PPP1R12B: variants seen among roughly 807,000 people sequenced by gnomAD.
PPP1R12B encodes the protein protein phosphatase 1 regulatory subunit 12B.
PPP1R12B carries 76 observed loss-of-function variants against 126.1 expected under a neutral mutation model. That is an observed-to-expected ratio of 0.60 (90% CI 0.50 to 0.73). PPP1R12B has a LOEUF of 0.73. PPP1R12B is among the 30% of genes least tolerant of loss of function. The pLI is 0.00. For missense variants in PPP1R12B, 1,052 were observed against 1,205.1 expected (o/e 0.87, Z 1.88); for synonymous variants, 356 against 434.7 (o/e 0.82, Z 2.25).
At chr1:202,376,187 T>G (rs977866279) in intron 1 of PPP1R12B, among the ~76,000 whole-genome samples, 3 of 152,256 alleles carry the variant, frequency 2.0e-5, no homozygotes, top group African/African-American at 7.2e-5. Flanking sequence ...TAAAAATATT[T>G]GATTTTCTTT....
chr1:202,362,343 G>C (rs1463617308), intron 1 of PPP1R12B, among the ~76,000 whole-genome samples: 1 of 152,090 alleles, frequency 6.6e-6, no homozygotes, highest in East Asian at 1.9e-4. Context: ...AAATCACTAG[G>C]GGTAATGGAA....
At chr1:202,518,112 A>G (rs914190813) in intron 18 of PPP1R12B, among the ~76,000 whole-genome samples, 5 of 152,238 alleles carry the variant, frequency 3.3e-5, no homozygotes, top group African/African-American at 9.6e-5. Flanking sequence ...ATAGCCCCCT[A>G]TGAAAATGTA....
At chr1:202,378,097 C>G (rs1473110821) in intron 1 of PPP1R12B, among the ~76,000 whole-genome samples, 1 of 152,130 alleles carries the variant, frequency 6.6e-6, no homozygotes, top group Admixed American at 6.5e-5. Flanking sequence ...CTCAGCCTCC[C>G]AAAGTACTGG....
intron 18 of PPP1R12B, among the ~76,000 whole-genome samples, chr1:202,504,462 A>G (rs907527261): frequency 2.6e-5 from 4 of 152,200 alleles, no homozygotes; most frequent in South Asian, 2.1e-4. Flanking sequence ...TTGTTACTGT[A>G]TATTAAAATT....
chr1:202,361,115 G>A (rs1466020912), intron 1 of PPP1R12B, among the ~76,000 whole-genome samples: 1 of 151,994 alleles, frequency 6.6e-6, no homozygotes, highest in Non-Finnish European at 1.5e-5. Flanking sequence ...GAATGGTCTC[G>A]ATCTCCTGAC....
chr1:202,352,607 G>A (rs891995260), intron 1 of PPP1R12B, among the ~76,000 whole-genome samples: 2 of 152,126 alleles, frequency 1.3e-5, no homozygotes, highest in African/African-American at 2.4e-5. Flanking sequence ...TCACACTGGC[G>A]GCCGGGGGTG....
chr1:202,424,035 C>T (rs567901626), intron 3 of PPP1R12B, among the ~76,000 whole-genome samples: 8 of 152,274 alleles, frequency 5.3e-5, no homozygotes, highest in African/African-American at 1.9e-4. Context: ...CCTCCAGCCT[C>T]AATCAGTTTT....
intron 3 of PPP1R12B, among the ~76,000 whole-genome samples, chr1:202,424,385 G>A (rs577566170): frequency 4.6e-5 from 7 of 150,694 alleles, no homozygotes; most frequent in South Asian, 2.1e-4. Context: ...GTGCAGTGGC[G>A]CAATCCCAGC....
At chr1:202,481,163 A>G (rs932982352) in intron 13 of PPP1R12B, among the ~76,000 whole-genome samples, 16 of 152,330 alleles carry the variant, frequency 1.1e-4, no homozygotes, top group South Asian at 4.1e-4. Flanking sequence ...TCAGGCATCA[A>G]TGCTCACTTG....
chr1:202,446,362 T>A (rs1672293938), intron 12 of PPP1R12B, among the ~76,000 whole-genome samples: 1 of 147,244 alleles, frequency 6.8e-6, no homozygotes, highest in Non-Finnish European at 1.5e-5. Context: ...CGAGCAATTC[T>A]TCTGCCTCAG....
intron 12 of PPP1R12B, among the ~76,000 whole-genome samples, chr1:202,446,236 C>CTATATATATATATA (rs1290788219): frequency 2.3e-5 from 2 of 88,042 alleles, no homozygotes; most frequent in Non-Finnish European, 4.3e-5. Flanking sequence ...CTCTCTCTCT[C>CTATATATATATATA]TATATATATA....
chr1:202,436,749 AATG>A (rs1286136378), intron 9 of PPP1R12B, among the ~76,000 whole-genome samples: 3 of 152,220 alleles, frequency 2.0e-5, no homozygotes, highest in Non-Finnish European at 4.4e-5. Context: ...AAATTGTGGT[AATG>A]ATGAGTTGTT....
intron 9 of PPP1R12B, among the ~76,000 whole-genome samples, chr1:202,437,416 G>A (rs754261130): frequency 3.3e-5 from 5 of 152,110 alleles, no homozygotes; most frequent in Admixed American, 1.3e-4. Flanking sequence ...GCTCATTACC[G>A]TCATTTTACA....
At position 202,590,695 on chromosome 1, in the gene PPP1R12B, GGA is replaced by G. The variant is rs1173956718; in HGVS notation, c.*10139_*10140del. 6.6e-6 allele frequency: 1 copy of G among 151,748 alleles called. No homozygotes were observed. The highest frequency in any genetic ancestry group is 2.4e-5 in the African/African-American group (1 of 41,238). 9.4% of individuals were successfully genotyped at this position (151,748 alleles called of 1,614,324 possible). On this transcript the variant is annotated 3_prime_UTR_variant, in exon 24 of 24. Transcript: ENST00000608999. ...GAACAAGAGTCCACATAAGGGAGAT[GGA>G]GAGCATTGCCAAGCAGAAGTGGGAA...
intron 13 of PPP1R12B, among the ~76,000 whole-genome samples, chr1:202,465,719 T>C (rs556158166): frequency 2.0e-5 from 3 of 152,328 alleles, no homozygotes; most frequent in Admixed American, 1.3e-4. Context: ...TTCTTCCTCT[T>C]CCTCAGAGTC....
chr1:202,363,157 C>CTGTTAT (rs1329216370), intron 1 of PPP1R12B, among the ~76,000 whole-genome samples: 1 of 152,168 alleles, frequency 6.6e-6, no homozygotes, highest in Non-Finnish European at 1.5e-5. Flanking sequence ...TTTAAACAGT[C>CTGTTAT]AAATGATCTG....
intron 13 of PPP1R12B, among the ~76,000 whole-genome samples, chr1:202,484,260 T>TAA (rs1677784285): frequency 6.6e-6 from 1 of 152,328 alleles, no homozygotes; most frequent in Admixed American, 6.5e-5. Context: ...TCCTTCCTCT[T>TAA]TCTTGTTTGT....
chr1:202,509,093 G>T lies in PPP1R12B; in HGVS notation c.2490+12271G>T, dbSNP rs373553996. Among the ~76,000 whole-genome samples, 6 of 152,232 alleles carry T rather than the reference G, an allele frequency of 3.9e-5. No homozygotes were observed. The South Asian group carries it at 6.2e-4, about 16-fold the overall frequency. On this transcript the variant is annotated intron_variant, in intron 18 of 23. Transcript: ENST00000608999. ...CTGCAGGCCACGCTGCAGTTTGCTGGCCTCTGCTCTAGGTTACTGATAGAA... is the reference window on the plus strand; with the variant it reads ...CTGCAGGCCACGCTGCAGTTTGCTGTCCTCTGCTCTAGGTTACTGATAGAA...
intron 1 of PPP1R12B, among the ~76,000 whole-genome samples, chr1:202,392,950 A>G (rs1247545421): frequency 2.0e-5 from 3 of 151,532 alleles, no homozygotes; most frequent in Admixed American, 6.6e-5. Context: ...AAATTTAATT[A>G]ATTTATTTTT....
Sources: gnomAD v4.1 joint callset for allele counts (sites outside exome capture counted in the v4.1 genomes callset) on GRCh38, gnomAD v4.1.1 for gene constraint, MANE v1.5 for transcripts, NCBI Gene and HGNC (gene_info 2026-07-23, HGNC 2026-07-21) for gene names.